Variants in BANK1 observed in about 807,000 individuals in gnomAD.
BANK1 encodes B cell scaffold protein with ankyrin repeats 1, also known as B-cell scaffold protein with ankyrin repeats.
BANK1 carries 95 observed loss-of-function variants against 94.5 expected under a neutral mutation model. The ratio of observed to expected loss-of-function variants is 1.00; its 90% CI spans 0.85 to 1.19. The LOEUF (loss-of-function observed/expected upper bound fraction) is 1.19. Among genes scored for constraint, BANK1 ranks in the 50% most tolerant of loss-of-function variants. The probability of loss-of-function intolerance (pLI) is 0.00; values close to 1 mark genes in which losing one functional copy is unlikely to be tolerated. For missense variants in BANK1, 987 were observed against 932.2 expected (o/e 1.06, Z -0.77); for synonymous variants, 334 against 308.4 (o/e 1.08, Z -0.87).
At chr4:101,848,536 C>T (rs12498921) in intron 2 of BANK1, among the ~76,000 whole-genome samples, 84,155 of 152,040 alleles carry the variant, frequency 0.55, 24,771 homozygotes, top group African/African-American at 0.76. Context: ...CCTTGCTACA[C>T]TGGGAAAGGA....
At chr4:102,000,851 C>T (rs182427819) in intron 7 of BANK1, among the ~76,000 whole-genome samples, 1 of 152,312 alleles carries the variant, frequency 6.6e-6, no homozygotes, top group East Asian at 1.9e-4. Flanking sequence ...ACTATAGGAT[C>T]CAACACATAA....
chr4:101,953,055 A>G (rs1279957737), intron 7 of BANK1, among the ~76,000 whole-genome samples: 2 of 152,144 alleles, frequency 1.3e-5, no homozygotes, highest in African/African-American at 2.4e-5. Context: ...ACCTATGTGA[A>G]CAGGTGAAAT....
At chr4:101,878,091 T>C (rs1040603551) in intron 5 of BANK1, among the ~76,000 whole-genome samples, 1 of 152,040 alleles carries the variant, frequency 6.6e-6, no homozygotes, top group Non-Finnish European at 1.5e-5. Context: ...ATAGCAGGAT[T>C]AAGTCCTTAC....
intron 7 of BANK1, among the ~76,000 whole-genome samples, chr4:101,942,257 C>T (rs1723775730): frequency 6.6e-6 from 1 of 151,902 alleles, no homozygotes; most frequent in African/African-American, 2.4e-5. Context: ...TATCTCACTT[C>T]ACAACCTTAG....
intron 5 of BANK1, among the ~76,000 whole-genome samples, chr4:101,875,640 A>G (rs1019171170): frequency 5.3e-5 from 8 of 152,136 alleles, no homozygotes; most frequent in African/African-American, 1.9e-4. Context: ...TGGGGATTAC[A>G]ATTCAAGATG....
chr4:102,007,315 A>C (rs1726339999), intron 7 of BANK1, among the ~76,000 whole-genome samples: 1 of 150,668 alleles, frequency 6.6e-6, no homozygotes, highest in Non-Finnish European at 1.5e-5. Context: ...CTGTTTTAGC[A>C]AATGAGCATC....
chr4:101,890,398 T>C (rs1721810159), intron 5 of BANK1, among the ~76,000 whole-genome samples: 1 of 151,918 alleles, frequency 6.6e-6, no homozygotes, highest in South Asian at 2.1e-4. Flanking sequence ...GGATTGACTC[T>C]ATCATTATAT....
intron 1 of BANK1, among the ~76,000 whole-genome samples, chr4:101,818,016 C>T (rs1245637841): frequency 6.6e-6 from 1 of 152,122 alleles, no homozygotes; most frequent in Admixed American, 6.5e-5. Flanking sequence ...ATGGTTTATC[C>T]TTCACACTCT....
At chr4:101,901,932 T>C (rs1222039514) in intron 6 of BANK1, among the ~76,000 whole-genome samples, 4 of 152,072 alleles carry the variant, frequency 2.6e-5, no homozygotes, top group East Asian at 1.9e-4. Context: ...GGCTATTTTT[T>C]TGTATTTTTA....
At chr4:101,850,917 T>G (rs1727450974) in intron 2 of BANK1, among the ~76,000 whole-genome samples, 1 of 152,036 alleles carries the variant, frequency 6.6e-6, no homozygotes, top group Non-Finnish European at 1.5e-5. Context: ...CCCATCTCTC[T>G]CCCTCTGCTT....
intron 10 of BANK1, among the ~76,000 whole-genome samples, chr4:102,037,482 C>T (rs1009733051): frequency 2.6e-5 from 4 of 152,138 alleles, no homozygotes; most frequent in African/African-American, 9.7e-5. Flanking sequence ...AGAATATTTT[C>T]CACCAGGACT....
chr4:102,063,254 C>G, intron 13 of BANK1, 116 bp downstream of exon 13: 1 of 883,692 alleles, frequency 1.1e-6, no homozygotes, highest in South Asian at 1.7e-5. Flanking sequence ...TCCCAGCTGT[C>G]TAACCTGGAG....
At chr4:102,064,804 G>A (rs774192058) in intron 13 of BANK1, among the ~76,000 whole-genome samples, 17 of 152,266 alleles carry the variant, frequency 1.1e-4, no homozygotes, top group Non-Finnish European at 2.4e-4. Context: ...TTATGGCCCT[G>A]GTCTCTGCCA....
intron 1 of BANK1, among the ~76,000 whole-genome samples, chr4:101,812,609 C>T (rs1173009812): frequency 6.6e-6 from 1 of 151,888 alleles, no homozygotes; most frequent in East Asian, 1.9e-4. Context: ...CTATTCTATG[C>T]ATTTTAATAG....
intron 11 of BANK1, among the ~76,000 whole-genome samples, chr4:102,047,607 A>G (rs993369936): frequency 5.2e-4 from 79 of 152,162 alleles, no homozygotes; most frequent in Non-Finnish European, 1.5e-4. Context: ...AGAGCTTTGG[A>G]AAGAATGAAG....
At chr4:101,987,565 A>G (rs1725558134) in intron 7 of BANK1, among the ~76,000 whole-genome samples, 1 of 152,190 alleles carries the variant, frequency 6.6e-6, no homozygotes, top group Non-Finnish European at 1.5e-5. Context: ...CTCATTGGGA[A>G]TTGTTCTTCC....
chr4:102,007,086 A>AT (rs1244153828), intron 7 of BANK1, among the ~76,000 whole-genome samples: 1,915 of 105,544 alleles, frequency 0.018, 62 homozygotes, highest in African/African-American at 0.073. Context: ...ATATAAATAT[A>AT]TATATAATAT....
intron 10 of BANK1, among the ~76,000 whole-genome samples, chr4:102,041,209 C>G (rs1252594537): frequency 6.6e-6 from 1 of 151,936 alleles, no homozygotes; most frequent in East Asian, 1.9e-4. Context: ...TACATAAAGT[C>G]TTTTAGAACA....
At chr4:101,910,370 G>GTGTCC (rs1169282700) in intron 6 of BANK1, among the ~76,000 whole-genome samples, 2 of 152,096 alleles carry the variant, frequency 1.3e-5, no homozygotes, top group Non-Finnish European at 2.9e-5. Flanking sequence ...TATTCCATCT[G>GTGTCC]TGTCCTTGAA....
Sources: allele counts gnomAD v4.1 joint callset (sites outside exome capture counted in the v4.1 genomes callset), GRCh38; gene constraint gnomAD v4.1.1; transcripts MANE v1.5; gene names NCBI Gene and HGNC (gene_info 2026-07-23, HGNC 2026-07-21).